Variants in ROR1 observed in about 807,000 individuals in gnomAD.
The protein encoded by ROR1 is inactive tyrosine-protein kinase transmembrane receptor ROR1.
A neutral mutation model predicts 78.8 loss-of-function variants in ROR1; 19 were observed. The ratio of observed to expected loss-of-function variants is 0.24; its 90% CI spans 0.17 to 0.35. The LOEUF (loss-of-function observed/expected upper bound fraction) is 0.35, where lower values mean the gene tolerates loss of function less well. Among genes scored for constraint, ROR1 ranks in the 10% least tolerant of loss-of-function variants. The pLI, the probability that ROR1 is intolerant of heterozygous loss-of-function variation, is 1.00. For missense variants in ROR1, 917 were observed against 1,177.8 expected (o/e 0.78, Z 3.24); for synonymous variants, 386 against 433.6 (o/e 0.89, Z 1.36).
chr1:64,019,426 TG>T (rs1646546885), intron 2 of ROR1, among the ~76,000 whole-genome samples: 1 of 152,140 alleles, frequency 6.6e-6, no homozygotes, highest in South Asian at 2.1e-4. Flanking sequence ...CTTCAAGTGT[TG>T]TTGTAAGTAC....
chr1:63,953,811 T>C (rs1249200370), intron 1 of ROR1, among the ~76,000 whole-genome samples: 1 of 152,198 alleles, frequency 6.6e-6, no homozygotes, highest in East Asian at 1.9e-4. Flanking sequence ...ACATCTTGAA[T>C]AGGACTTGGG....
rs1005153461 is a variant in ROR1, at chr1:64,064,584, T to C, written c.482+13868T>C. ...CACTCATACCCCAGATTGATTTCCA[T>C]GCCACTAGAAAGCCGAGCCTGCAGA... On this transcript the variant is annotated intron_variant, in intron 4 of 8. Transcript: ENST00000371079. 3.9e-5 allele frequency among the ~76,000 whole-genome samples: 6 copies of C among 152,298 alleles called. No individual in the cohort carries two copies. In the South Asian group the frequency reaches 1.2e-3, roughly 32 times the overall value.
At chr1:64,064,003 G>A (rs956343557) in intron 4 of ROR1, among the ~76,000 whole-genome samples, 1 of 152,206 alleles carries the variant, frequency 6.6e-6, no homozygotes, top group Admixed American at 6.5e-5. Flanking sequence ...CAAAGGAGTT[G>A]CAGCAGCAGA....
At chr1:63,949,641 G>A (rs1645918591) in intron 1 of ROR1, among the ~76,000 whole-genome samples, 1 of 152,076 alleles carries the variant, frequency 6.6e-6, no homozygotes, top group Non-Finnish European at 1.5e-5. Flanking sequence ...AATGTGTCTG[G>A]AAAGTGCCAT....
intron 1 of ROR1, among the ~76,000 whole-genome samples, chr1:64,002,092 G>C (rs1402730475): frequency 6.7e-5 from 10 of 150,214 alleles, no homozygotes; most frequent in Admixed American, 6.0e-4. Flanking sequence ...TCTCCCACCA[G>C]ACTGTAAGGT....
intron 1 of ROR1, among the ~76,000 whole-genome samples, chr1:63,814,292 A>G (rs1644876944): frequency 1.6e-4 from 24 of 152,176 alleles, no homozygotes; most frequent in Admixed American, 1.6e-3. Context: ...CAGTTCTTGC[A>G]CATACTCCTT....
intron 1 of ROR1, among the ~76,000 whole-genome samples, chr1:63,808,114 C>A (rs1374928216): frequency 6.6e-6 from 1 of 152,130 alleles, no homozygotes; most frequent in Non-Finnish European, 1.5e-5. Context: ...GTAATAGGAA[C>A]TTTACCTGGG....
rs879590759 is a variant in ROR1, at chr1:64,023,992, G to T, written c.163+14616G>T. The stretch of plus-strand genomic sequence containing the variant: ...TCTCATGAGATGTGTTGGTTTAAAA[G>T]TGTGTGGCAGTTCCTCTCTCTCTTT... On this transcript the variant is annotated intron_variant, in intron 2 of 8. Coordinates refer to ENST00000371079, the MANE Select transcript of ROR1 (RefSeq NM_005012.4). 2.0e-5 allele frequency among the ~76,000 whole-genome samples: 3 copies of T among 152,162 alleles called. No individual in the cohort carries two copies. The East Asian group carries it at 5.8e-4, about 29-fold the overall frequency.
intron 4 of ROR1, among the ~76,000 whole-genome samples, chr1:64,132,702 G>T (rs933866584): frequency 4.3e-5 from 6 of 139,952 alleles, no homozygotes; most frequent in African/African-American, 1.6e-4. Flanking sequence ...GGAGGTTTCA[G>T]TGAGCTGAGA....
At chr1:63,868,681 A>C (rs1645232268) in intron 1 of ROR1, among the ~76,000 whole-genome samples, 2 of 152,204 alleles carry the variant, frequency 1.3e-5, no homozygotes, top group South Asian at 4.1e-4. Context: ...CGAGGTGCTG[A>C]TAACCATGTG....
chr1:64,000,435 C>T (rs1053377671), intron 1 of ROR1, among the ~76,000 whole-genome samples: 1 of 152,084 alleles, frequency 6.6e-6, no homozygotes, highest in Admixed American at 6.5e-5. Flanking sequence ...TCCAGTGGCA[C>T]CATGGATGAA....
intron 1 of ROR1, among the ~76,000 whole-genome samples, chr1:63,925,169 C>A (rs1411381512): frequency 6.8e-6 from 1 of 147,374 alleles, no homozygotes; most frequent in Non-Finnish European, 1.5e-5. Context: ...CCCCTTCCCC[C>A]CACCCCACAA....
chr1:63,954,567 C>T (rs1645966608), intron 1 of ROR1, among the ~76,000 whole-genome samples: 1 of 152,064 alleles, frequency 6.6e-6, no homozygotes, highest in African/African-American at 2.4e-5. Flanking sequence ...TATGGTCTGC[C>T]CTCAGTATCC....
chr1:63,784,639 G>T (rs1483102090), intron 1 of ROR1, among the ~76,000 whole-genome samples: 1 of 152,230 alleles, frequency 6.6e-6, no homozygotes, highest in African/African-American at 2.4e-5. Context: ...TTTGGCATCA[G>T]ATGGACTAGG....
chr1:63,996,470 A>G (rs1256800044), intron 1 of ROR1, among the ~76,000 whole-genome samples: 2 of 152,298 alleles, frequency 1.3e-5, no homozygotes, highest in African/African-American at 4.8e-5. Flanking sequence ...GTATTTGAAC[A>G]TTGCCAGCCA....
chr1:63,917,069 C>T (rs997192417), intron 1 of ROR1, among the ~76,000 whole-genome samples: 3 of 152,108 alleles, frequency 2.0e-5, no homozygotes, highest in Non-Finnish European at 4.4e-5. Flanking sequence ...TATTTCTTTA[C>T]GGACACTGTC....
intron 7 of ROR1, among the ~76,000 whole-genome samples, chr1:64,143,536 G>A (rs1316911662): frequency 1.3e-5 from 2 of 152,140 alleles, no homozygotes; most frequent in African/African-American, 4.8e-5. Context: ...TACAGGGTAG[G>A]AGGGTGGGCA....
chr1:63,933,619 C>A (rs1645771366), intron 1 of ROR1, among the ~76,000 whole-genome samples: 1 of 152,196 alleles, frequency 6.6e-6, no homozygotes, highest in Non-Finnish European at 1.5e-5. Context: ...ACACCAACTG[C>A]TTTGTACGTT....
chr1:63,842,829 G>A (rs1010166936), intron 1 of ROR1, among the ~76,000 whole-genome samples: 3 of 151,994 alleles, frequency 2.0e-5, no homozygotes, highest in African/African-American at 4.8e-5. Flanking sequence ...CAAGCATAGA[G>A]TCACTATTGT....
Sources: allele counts gnomAD v4.1 joint callset (sites outside exome capture counted in the v4.1 genomes callset), GRCh38; gene constraint gnomAD v4.1.1; transcripts MANE v1.5; gene names NCBI Gene and HGNC (gene_info 2026-07-23, HGNC 2026-07-21).